MTCL1: variants seen among roughly 807,000 people sequenced by gnomAD.
MTCL1 encodes microtubule crosslinking factor 1, also known as microtubule cross-linking factor 1.
Under a neutral mutation model 141.4 loss-of-function variants are expected in MTCL1, and 79 were observed. The observed-to-expected ratio is 0.56, with a 90% CI of 0.47 to 0.67. The LOEUF is 0.67. MTCL1 is among the 30% of genes least tolerant of loss of function. The pLI is 0.00. For missense variants in MTCL1, 2,177 were observed against 2,113.9 expected, an observed-to-expected ratio of 1.03 and a Z score of -0.59; for synonymous variants, 914 against 875.8, an observed-to-expected ratio of 1.04 and a Z score of -0.77.
intron 5 of MTCL1, among the ~76,000 whole-genome samples, chr18:8,781,905 A>G (rs12458237): frequency 0.26 from 39,796 of 152,134 alleles, 5,554 homozygotes; most frequent in Non-Finnish European, 0.31. Context: ...GGACGCACAG[A>G]TAGCGCCAGG....
At chr18:8,736,815 G>GT (rs1031897677) in intron 4 of MTCL1, among the ~76,000 whole-genome samples, 1 of 151,508 alleles carries the variant, frequency 6.6e-6, no homozygotes, top group Non-Finnish European at 1.5e-5. Context: ...TTTTTTTGTA[G>GT]TTTTTTAGTA....
At chr18:8,729,061 T>A (rs971948670) in intron 4 of MTCL1, among the ~76,000 whole-genome samples, 1 of 151,256 alleles carries the variant, frequency 6.6e-6, no homozygotes, top group Non-Finnish European at 1.5e-5. Flanking sequence ...TGTACTGTTT[T>A]TTGAGACAAG....
chr18:8,814,205 G>A (rs2076578264), intron 12 of MTCL1, among the ~76,000 whole-genome samples: 2 of 152,130 alleles, frequency 1.3e-5, no homozygotes, highest in African/African-American at 2.4e-5. Context: ...TGGATAGGGC[G>A]GGAGGCAGAA....
Position 8,804,253 on chromosome 18 carries a change from A to ATT in MTCL1, c.2437-2622_2437-2621dup, listed in dbSNP as rs576046249. Among the ~76,000 whole-genome samples the ATT allele has an allele frequency of 2.1e-4, 28 of 135,928 alleles. 1 individual carries two copies. The South Asian group carries it at 4.0e-3, about 20-fold the overall frequency. 89.2% of individuals were successfully genotyped at this position (135,928 alleles called of 152,430 possible). A position where few individuals can be genotyped will look rare whatever the true frequency, so the allele number is the denominator to read the frequency against. On this transcript the variant is annotated intron_variant, in intron 10 of 16. Coordinates refer to ENST00000359865, the Ensembl canonical transcript of MTCL1. ...TCAACTGTACTTATATAATTTTTAG[A>ATT]TTTTTTTTTTTTTTTTTTTGGAAAC...
chr18:8,796,261 G>A, exon 9 of MTCL1: 1 of 1,614,168 alleles, frequency 6.2e-7, no homozygotes, highest in South Asian at 1.1e-5. Flanking sequence ...ATGCCTTGAG[G>A]TGGAAAGAAC....
At chr18:8,776,492 C>T (rs749997233) in intron 4 of MTCL1, among the ~76,000 whole-genome samples, 2 of 152,136 alleles carry the variant, frequency 1.3e-5, no homozygotes, top group Non-Finnish European at 2.9e-5. Flanking sequence ...AATTTCTTGT[C>T]TATAATGTAA....
intron 4 of MTCL1, among the ~76,000 whole-genome samples, chr18:8,752,441 T>G: frequency 6.6e-6 from 1 of 152,246 alleles, no homozygotes; most frequent in East Asian, 1.9e-4. Context: ...CTTTAGCAAC[T>G]GTGCCTCTCT....
At chr18:8,743,564 C>A (rs1012522874) in intron 4 of MTCL1, among the ~76,000 whole-genome samples, 1 of 152,226 alleles carries the variant, frequency 6.6e-6, no homozygotes, top group Admixed American at 6.5e-5. Flanking sequence ...TCTGGAGGCT[C>A]TAGGGAAGAA....
At chr18:8,751,886 C>T (rs1255707791) in intron 4 of MTCL1, among the ~76,000 whole-genome samples, 2 of 152,180 alleles carry the variant, frequency 1.3e-5, no homozygotes, top group Non-Finnish European at 2.9e-5. Flanking sequence ...AGACTTAGCT[C>T]AGGGCAGCGG....
At chr18:8,706,860 G>A in intron 1 of MTCL1, 147 bp downstream of exon 1, 1 of 1,365,810 alleles carries the variant, frequency 7.3e-7, no homozygotes, top group Non-Finnish European at 9.5e-7. Context: ...GTCAGGCATT[G>A]GCAACTTAAG....
At chr18:8,780,023 A>G (rs1180088327) in intron 5 of MTCL1, among the ~76,000 whole-genome samples, 2 of 152,112 alleles carry the variant, frequency 1.3e-5, no homozygotes, top group African/African-American at 4.8e-5. Flanking sequence ...TGAGGGCTCT[A>G]TGGGGACCTT....
intron 4 of MTCL1, among the ~76,000 whole-genome samples, chr18:8,752,585 A>T (rs2096377257): frequency 6.6e-6 from 1 of 152,160 alleles, no homozygotes; most frequent in South Asian, 2.1e-4. Flanking sequence ...TATGCTACAG[A>T]CCCACAGAGT....
At chr18:8,831,135 A>G in intron 16 of MTCL1, 7 of 988,652 alleles carry the variant, frequency 7.1e-6, no homozygotes, top group Non-Finnish European at 8.4e-6. Context: ...TTGCTAACAC[A>G]GCTGAATGAA....
At chr18:8,826,061 C>T (rs1298934824) in exon 15 of MTCL1, 3 of 1,611,496 alleles carry the variant, frequency 1.9e-6, no homozygotes, top group Non-Finnish European at 8.5e-7. Context: ...TGAAGCAGGA[C>T]TTATCTGCTC....
Position 8,826,250 on chromosome 18 carries a change from C to T in MTCL1, c.4722+18C>T. The T allele has an allele frequency of 6.5e-7, 1 of 1,544,280 alleles. No individual in the cohort carries two copies. Among genetic ancestry groups the T allele is most frequent in the Non-Finnish European group, 8.7e-7 (1 of 1,142,964 alleles). On this transcript the variant is annotated intron_variant, in intron 15 of 16. Coordinates refer to ENST00000359865, the Ensembl canonical transcript of MTCL1. ...CCATGGAGGTAATGAATGCTGAGTG[C>T]CCCACACCCTTCCCCACCAGCTCTT...
At chr18:8,776,092 G>T (rs2096506990) in intron 4 of MTCL1, among the ~76,000 whole-genome samples, 1 of 152,208 alleles carries the variant, frequency 6.6e-6, no homozygotes, top group Admixed American at 6.5e-5. Flanking sequence ...CTGATACAGG[G>T]TGGGCACCCA....
chr18:8,807,346 G>A (rs1404443308), intron 11 of MTCL1, among the ~76,000 whole-genome samples: 1 of 152,154 alleles, frequency 6.6e-6, no homozygotes, highest in Non-Finnish European at 1.5e-5. Flanking sequence ...ATCAGAGGAC[G>A]GCCAGGCTGA....
chr18:8,784,072 A>G (rs2096541910), exon 6 of MTCL1: 1 of 1,613,204 alleles, frequency 6.2e-7, no homozygotes, highest in Non-Finnish European at 8.5e-7. Flanking sequence ...CGGGCTGGCT[A>G]GGAGAGGGTG....
intron 8 of MTCL1, among the ~76,000 whole-genome samples, chr18:8,794,592 T>C (rs2075850164): frequency 6.6e-6 from 1 of 152,198 alleles, no homozygotes; most frequent in Non-Finnish European, 1.5e-5. Context: ...ACATTGCCCC[T>C]GAGGCCAGTG....
Sources: gnomAD v4.1 joint callset for allele counts (sites outside exome capture counted in the v4.1 genomes callset) on GRCh38, gnomAD v4.1.1 for gene constraint, MANE v1.5 for transcripts, NCBI Gene and HGNC (gene_info 2026-07-23, HGNC 2026-07-21) for gene names.